The following PLXNA2 variants were observed in gnomAD, a reference collection of about 807,000 sequenced individuals.
PLXNA2 encodes plexin-A2.
In PLXNA2, 91 loss-of-function variants were observed where a neutral mutation model predicts 193.5. The observed-to-expected ratio is 0.47, with a 90% confidence interval of 0.40 to 0.56. PLXNA2 has a LOEUF of 0.56. Among genes scored for constraint, PLXNA2 ranks in the 20% least tolerant of loss-of-function variants. PLXNA2 has a pLI of 0.00. For synonymous variants in PLXNA2, 997 were observed against 1,027.3 expected (o/e 0.97, Z 0.56); for missense variants, 1,995 against 2,503.2 (o/e 0.80, Z 4.33).
intron 3 of PLXNA2, among the ~76,000 whole-genome samples, chr1:208,158,689 G>A (rs1043243600): frequency 6.6e-6 from 1 of 152,232 alleles, no homozygotes; most frequent in Non-Finnish European, 1.5e-5. Context: ...GAAACCTCCT[G>A]TTTGGAGAGG....
chr1:208,027,966 T>C lies in PLXNA2; in HGVS notation c.5589+43A>G, dbSNP rs147502196. On this transcript the variant is annotated intron_variant, in intron 31 of 31. Coordinates refer to ENST00000367033, the MANE Select transcript of PLXNA2 (RefSeq NM_025179.4). ...TTAAGGACTGAGTCAGGCTTCCTGC[T>C]CCTTGCCTGTTGGTTTCTGTCCCTG... 432 of 1,515,014 alleles carry C rather than the reference T, an allele frequency of 2.9e-4. No homozygotes were observed. In the African/African-American group the frequency reaches 5.2e-3, roughly 18 times the overall value. 93.8% of individuals were successfully genotyped at this position (1,515,014 alleles called of 1,614,324 possible).
intron 3 of PLXNA2, among the ~76,000 whole-genome samples, chr1:208,182,047 T>TC (rs1669858788): frequency 6.6e-6 from 1 of 151,610 alleles, no homozygotes; most frequent in East Asian, 1.9e-4. Context: ...CTGTTCAGTC[T>TC]AGCTCAGCTC....
chr1:208,165,453 C>T (rs1028086251), intron 3 of PLXNA2, among the ~76,000 whole-genome samples: 4 of 152,122 alleles, frequency 2.6e-5, no homozygotes, highest in Admixed American at 6.5e-5. Flanking sequence ...CCCAAAGTCA[C>T]ACATCTAGGA....
chr1:208,149,520 A>G (rs1668691008), intron 3 of PLXNA2, among the ~76,000 whole-genome samples: 3 of 151,054 alleles, frequency 2.0e-5, no homozygotes, highest in Admixed American at 2.0e-4. Flanking sequence ...TAGGCACTGT[A>G]TGTGGTGTGT....
chr1:208,190,683 G>A (rs1352258522), intron 3 of PLXNA2, among the ~76,000 whole-genome samples: 1 of 152,202 alleles, frequency 6.6e-6, no homozygotes, highest in Non-Finnish European at 1.5e-5. Flanking sequence ...GCAATGAAAA[G>A]ACATCGCCAG....
chr1:208,137,804 T>C (rs1668347740), intron 4 of PLXNA2, among the ~76,000 whole-genome samples: 1 of 152,208 alleles, frequency 6.6e-6, no homozygotes, highest in Non-Finnish European at 1.5e-5. Flanking sequence ...TGAAAGAGAA[T>C]ACATGAGTGC....
intron 4 of PLXNA2, among the ~76,000 whole-genome samples, chr1:208,113,943 C>A (rs185890115): frequency 3.4e-4 from 51 of 152,168 alleles, no homozygotes; most frequent in Non-Finnish European, 6.9e-4. Flanking sequence ...GGGGAAGGAG[C>A]CCAAGAAGAA....
intron 8 of PLXNA2, among the ~76,000 whole-genome samples, chr1:208,093,334 G>A (rs1302410835): frequency 1.3e-5 from 2 of 152,200 alleles, no homozygotes; most frequent in Non-Finnish European, 2.9e-5. Flanking sequence ...TGTAAAGACA[G>A]GGTAGCCGGC....
chr1:208,233,058 T>A (rs1671739424), intron 1 of PLXNA2, among the ~76,000 whole-genome samples: 1 of 152,186 alleles, frequency 6.6e-6, no homozygotes, highest in African/African-American at 2.4e-5. Flanking sequence ...TCCCTAAATG[T>A]TGTAGAGCCC....
intron 6 of PLXNA2, among the ~76,000 whole-genome samples, chr1:208,097,247 T>C (rs889525329): frequency 5.9e-5 from 9 of 152,134 alleles, no homozygotes; most frequent in Admixed American, 5.9e-4. Context: ...AAGCAAGTCC[T>C]GAGCCGAGCC....
intron 9 of PLXNA2, among the ~76,000 whole-genome samples, chr1:208,092,175 T>G (rs1469114096): frequency 6.6e-6 from 1 of 152,216 alleles, no homozygotes; most frequent in East Asian, 1.9e-4. Flanking sequence ...GATAAGCAAT[T>G]TGATATTTCA....
intron 3 of PLXNA2, among the ~76,000 whole-genome samples, chr1:208,166,225 T>A (rs1669303050): frequency 6.6e-6 from 1 of 152,210 alleles, no homozygotes; most frequent in South Asian, 2.1e-4. Context: ...CCATTCCCAG[T>A]CACAGATTTG....
At chr1:208,223,282 A>C (rs553122607) in intron 1 of PLXNA2, among the ~76,000 whole-genome samples, 1 of 152,004 alleles carries the variant, frequency 6.6e-6, no homozygotes, top group African/African-American at 2.4e-5. Context: ...GAAAGGAAAC[A>C]AATTGACCAG....
At chr1:208,170,887 C>T (rs140747961) in intron 3 of PLXNA2, among the ~76,000 whole-genome samples, 1 of 152,278 alleles carries the variant, frequency 6.6e-6, no homozygotes, top group East Asian at 1.9e-4. Flanking sequence ...AAGAATCCTA[C>T]AATCCAGTGC....
chr1:208,222,984 A>G (rs1671388599), intron 1 of PLXNA2, among the ~76,000 whole-genome samples: 2 of 152,056 alleles, frequency 1.3e-5, no homozygotes, highest in Admixed American at 1.3e-4. Context: ...GGTGCCTACT[A>G]TTACTACTGC....
At chr1:208,099,591 GAC>G (rs1667025917) in intron 5 of PLXNA2, among the ~76,000 whole-genome samples, 1 of 151,994 alleles carries the variant, frequency 6.6e-6, no homozygotes, top group African/African-American at 2.4e-5. Context: ...GTTTTTTTGA[GAC>G]AGAGTCTTGC....
intron 13 of PLXNA2, 47 bp downstream of exon 13, chr1:208,060,639 C>G (rs2498035): frequency 0.035 from 54,831 of 1,557,624 alleles, 1,144 homozygotes; most frequent in Non-Finnish European, 0.042. Context: ...TCTCCAGTCT[C>G]CACTCTGAAG....
chr1:208,039,534 C>T, intron 24 of PLXNA2, 87 bp downstream of exon 24: 3 of 1,560,398 alleles, frequency 1.9e-6, no homozygotes, highest in East Asian at 2.2e-5. Context: ...TTTATTGACC[C>T]CCTAGACTGC....
chr1:208,202,639 G>A (rs1002740650), intron 3 of PLXNA2, among the ~76,000 whole-genome samples: 1 of 152,210 alleles, frequency 6.6e-6, no homozygotes, highest in African/African-American at 2.4e-5. Flanking sequence ...GCTTAATGGT[G>A]TAAAAGGGTC....
Sources: gnomAD v4.1 joint callset for allele counts (sites outside exome capture counted in the v4.1 genomes callset) on GRCh38, gnomAD v4.1.1 for gene constraint, MANE v1.5 for transcripts, NCBI Gene and HGNC (gene_info 2026-07-23, HGNC 2026-07-21) for gene names.